Variants in NEGR1 observed in about 807,000 individuals in gnomAD.
The protein encoded by NEGR1 is IgLON family member 4.
NEGR1 carries 10 observed loss-of-function variants against 40.9 expected under a neutral mutation model. The ratio of observed to expected loss-of-function variants is 0.24; its 90% CI spans 0.15 to 0.42. The LOEUF (loss-of-function observed/expected upper bound fraction) is 0.42, where lower values mean the gene tolerates loss of function less well. NEGR1 is among the 10% of genes least tolerant of loss of function. The probability of loss-of-function intolerance (pLI) is 1.00; values close to 1 mark genes in which losing one functional copy is unlikely to be tolerated. For missense variants in NEGR1, 352 were observed against 438.9 expected, an observed-to-expected ratio of 0.80 and a Z score of 1.77; for synonymous variants, 185 against 166.8, an observed-to-expected ratio of 1.11 and a Z score of -0.84.
intron 3 of NEGR1, among the ~76,000 whole-genome samples, chr1:71,758,332 T>C (rs1292628958): frequency 6.6e-6 from 1 of 152,124 alleles, no homozygotes; most frequent in Non-Finnish European, 1.5e-5. Context: ...CATTTATTAG[T>C]CACATTAAGA....
chr1:71,837,819 G>A (rs993987964), intron 2 of NEGR1, among the ~76,000 whole-genome samples: 4 of 151,806 alleles, frequency 2.6e-5, no homozygotes, highest in Non-Finnish European at 5.9e-5. Flanking sequence ...CTCACAATTG[G>A]GTACTCACCT....
chr1:71,946,414 C>A (rs975897588), intron 1 of NEGR1, among the ~76,000 whole-genome samples: 1 of 151,938 alleles, frequency 6.6e-6, no homozygotes, highest in Non-Finnish European at 1.5e-5. Context: ...AGGTCTTTGC[C>A]AACCTATAAT....
chr1:72,249,482 A>ACATGAG (rs1457647662), intron 1 of NEGR1, among the ~76,000 whole-genome samples: 1 of 152,216 alleles, frequency 6.6e-6, no homozygotes, highest in African/African-American at 2.4e-5. Flanking sequence ...TATGAGCTTA[A>ACATGAG]CATGAGCAAG....
chr1:71,475,042 A>T (rs1332942836), intron 6 of NEGR1, among the ~76,000 whole-genome samples: 1 of 152,106 alleles, frequency 6.6e-6, no homozygotes, highest in East Asian at 1.9e-4. Context: ...TTATGGGTAC[A>T]TATAAACATG....
rs558453318 is a variant in NEGR1, at chr1:71,781,274, A to T, written c.410-4977T>A. 5.3e-5 allele frequency among the ~76,000 whole-genome samples: 8 copies of T among 152,322 alleles called. No individual in the cohort carries two copies. In the South Asian group the frequency reaches 1.7e-3, roughly 32 times the overall value. On this transcript the variant is annotated intron_variant, in intron 2 of 6. Coordinates refer to ENST00000357731, the MANE Select transcript of NEGR1 (RefSeq NM_173808.3). ...ATATTAAAAGTTTTTATCTAAAAAA[A>T]TCTGTGCAGATGATTTTAGAAAGAA...
At chr1:71,782,596 G>T (rs1656756369) in intron 2 of NEGR1, among the ~76,000 whole-genome samples, 1 of 152,028 alleles carries the variant, frequency 6.6e-6, no homozygotes, top group South Asian at 2.1e-4. Context: ...ACAGCATATT[G>T]CCAGAACCTG....
chr1:71,771,762 CAAAT>C (rs1656337397), intron 3 of NEGR1, among the ~76,000 whole-genome samples: 1 of 61,216 alleles, frequency 1.6e-5, no homozygotes, highest in South Asian at 6.0e-4. Flanking sequence ...AATAAACAAA[CAAAT>C]AATAAATAGG....
At chr1:71,479,431 T>C (rs1646840578) in intron 6 of NEGR1, among the ~76,000 whole-genome samples, 1 of 151,980 alleles carries the variant, frequency 6.6e-6, no homozygotes, top group Non-Finnish European at 1.5e-5. Context: ...TCCAAATAAA[T>C]TCACTATCCA....
At chr1:71,690,336 T>C (rs12041607) in intron 4 of NEGR1, among the ~76,000 whole-genome samples, 11,105 of 151,938 alleles carry the variant, frequency 0.073, 496 homozygotes, top group East Asian at 0.13. Flanking sequence ...AACTTTTTTT[T>C]CTAGAAGCAC....
intron 4 of NEGR1, among the ~76,000 whole-genome samples, chr1:71,651,137 T>G (rs1651701010): frequency 6.6e-6 from 1 of 152,144 alleles, no homozygotes; most frequent in Admixed American, 6.5e-5. Context: ...TATAAATATT[T>G]GTGATTAGTG....
intron 2 of NEGR1, among the ~76,000 whole-genome samples, chr1:71,864,613 G>C (rs891601562): frequency 6.6e-6 from 1 of 151,998 alleles, no homozygotes; most frequent in East Asian, 1.9e-4. Flanking sequence ...AGCCTTCAAA[G>C]CACCTTCATC....
chr1:72,028,562 G>A (rs1166436919), intron 1 of NEGR1, among the ~76,000 whole-genome samples: 1 of 152,116 alleles, frequency 6.6e-6, no homozygotes, highest in Non-Finnish European at 1.5e-5. Flanking sequence ...CCCACAAATT[G>A]TAGTTGCCTC....
intron 6 of NEGR1, chr1:71,487,966 T>G (rs913380071): frequency 6.6e-6 from 1 of 151,728 alleles, no homozygotes; most frequent in Non-Finnish European, 1.5e-5. Context: ...CCAACAACCT[T>G]CTGATGTTTT....
At chr1:72,027,003 G>T (rs1044651021) in intron 1 of NEGR1, among the ~76,000 whole-genome samples, 12 of 151,980 alleles carry the variant, frequency 7.9e-5, no homozygotes, top group Admixed American at 7.9e-4. Context: ...TGGGCTCACT[G>T]CAAGCTCCAC....
chr1:71,725,769 T>C (rs1406049811), intron 3 of NEGR1, among the ~76,000 whole-genome samples: 2 of 152,118 alleles, frequency 1.3e-5, no homozygotes, highest in Non-Finnish European at 2.9e-5. Context: ...TTCTGTTTGA[T>C]ACACACTTGG....
chr1:71,431,620 C>A (rs1646470353), intron 6 of NEGR1, among the ~76,000 whole-genome samples: 1 of 151,840 alleles, frequency 6.6e-6, no homozygotes, highest in Non-Finnish European at 1.5e-5. Flanking sequence ...ATAATGTATA[C>A]TGGGTAATAA....
chr1:71,444,010 A>C (rs1646564761), intron 6 of NEGR1, among the ~76,000 whole-genome samples: 1 of 152,208 alleles, frequency 6.6e-6, no homozygotes, highest in South Asian at 2.1e-4. Context: ...TTAGCATCAC[A>C]TGTGTGCATC....
At chr1:72,142,578 T>G (rs886270013) in intron 1 of NEGR1, among the ~76,000 whole-genome samples, 1 of 142,188 alleles carries the variant, frequency 7.0e-6, no homozygotes, top group East Asian at 2.2e-4. Flanking sequence ...CAGATAGTGA[T>G]AGAACATAAT....
At chr1:71,999,207 C>T (rs1026627405) in intron 1 of NEGR1, among the ~76,000 whole-genome samples, 2 of 152,006 alleles carry the variant, frequency 1.3e-5, no homozygotes, top group South Asian at 2.1e-4. Context: ...ATGCCCACTC[C>T]AGGCTTCAAT....
Sources: gnomAD v4.1 joint callset for allele counts (sites outside exome capture counted in the v4.1 genomes callset) on GRCh38, gnomAD v4.1.1 for gene constraint, MANE v1.5 for transcripts, NCBI Gene and HGNC (gene_info 2026-07-23, HGNC 2026-07-21) for gene names.